The following P4HA3 variants were observed in gnomAD, a reference collection of about 807,000 sequenced individuals.
P4HA3 encodes prolyl 4-hydroxylase subunit alpha 3, also known as prolyl 4-hydroxylase subunit alpha-3.
A neutral mutation model predicts 66.7 loss-of-function variants in P4HA3; 60 were observed. That is an observed-to-expected ratio of 0.90 (90% CI 0.73 to 1.12). P4HA3 has a LOEUF of 1.12. Among genes scored for constraint, P4HA3 ranks in the 50% most tolerant of loss-of-function variants. The pLI is 0.00. For synonymous variants in P4HA3, 263 were observed against 274.6 expected (o/e 0.96, Z 0.42); for missense variants, 683 against 685.8 (o/e 1.00, Z 0.05).
intron 4 of P4HA3, among the ~76,000 whole-genome samples, chr11:74,293,012 T>C (rs1861085583): frequency 6.6e-6 from 1 of 152,216 alleles, no homozygotes; most frequent in African/African-American, 2.4e-5. Context: ...GTTAACTTTC[T>C]GTCTCATTGA....
At chr11:74,290,321 T>C (rs1250585710) in intron 4 of P4HA3, among the ~76,000 whole-genome samples, 2 of 152,156 alleles carry the variant, frequency 1.3e-5, no homozygotes, top group Non-Finnish European at 2.9e-5. Context: ...TTTGTTTGAG[T>C]TCATTGTAGA....
intron 1 of P4HA3, among the ~76,000 whole-genome samples, chr11:74,305,895 A>C (rs183956506): frequency 1.0e-3 from 155 of 152,300 alleles, no homozygotes; most frequent in African/African-American, 3.5e-3. Flanking sequence ...AGTAAGAAAG[A>C]CACAAATAAT....
chr11:74,291,432 T>C (rs1861019818), intron 4 of P4HA3, among the ~76,000 whole-genome samples: 1 of 152,156 alleles, frequency 6.6e-6, no homozygotes, highest in East Asian at 1.9e-4. Context: ...TTGAATACCC[T>C]TTATTTCCTT....
chr11:74,291,224 A>C (rs1861010679), intron 4 of P4HA3, among the ~76,000 whole-genome samples: 1 of 152,090 alleles, frequency 6.6e-6, no homozygotes, highest in Non-Finnish European at 1.5e-5. Flanking sequence ...ATGGGAGTTC[A>C]CCCATGATTT....
intron 5 of P4HA3, among the ~76,000 whole-genome samples, chr11:74,288,664 T>C (rs1354252673): frequency 6.6e-6 from 1 of 152,056 alleles, no homozygotes; most frequent in African/African-American, 2.4e-5. Flanking sequence ...ATAATAAAGA[T>C]AGGGCCAGGC....
chr11:74,277,212 T>C, intron 8 of P4HA3, 68 bp from the exon 9 acceptor site: 1 of 1,516,618 alleles, frequency 6.6e-7, no homozygotes, highest in East Asian at 2.3e-5. Context: ...CGTCTCTGAA[T>C]GAATGAATAA....
intron 15 of P4HA3, chr11:74,251,513 T>G: frequency 6.8e-7 from 1 of 1,467,738 alleles, no homozygotes; most frequent in Non-Finnish European, 9.0e-7. Flanking sequence ...CTAGGTCCTT[T>G]TAATTTCAAG....
At chr11:74,262,969 G>A (rs1347578159), downstream of P4HA3, among the ~76,000 whole-genome samples, 1 of 152,224 alleles carries the variant, frequency 6.6e-6, no homozygotes, top group Non-Finnish European at 1.5e-5. Context: ...GACAAGCAGG[G>A]TGGCCGCTGC....
At chr11:74,308,968 C>T (rs1591143368) in intron 1 of P4HA3, among the ~76,000 whole-genome samples, 4 of 152,256 alleles carry the variant, frequency 2.6e-5, no homozygotes, top group East Asian at 3.9e-4. Flanking sequence ...TCAGAGCCAA[C>T]GATTCAAATA....
At chr11:74,291,548 T>G (rs1446350807) in intron 4 of P4HA3, among the ~76,000 whole-genome samples, 1 of 152,186 alleles carries the variant, frequency 6.6e-6, no homozygotes, top group East Asian at 1.9e-4. Context: ...ATGCTTCCAG[T>G]TTTTGCCCAT....
chr11:74,257,282 G>A (rs904513801), intron 15 of P4HA3, among the ~76,000 whole-genome samples: 13 of 152,152 alleles, frequency 8.5e-5, no homozygotes, highest in African/African-American at 2.2e-4. Context: ...CTGCCACCAC[G>A]CCCAGCTAAT....
In P4HA3 at chr11:74,267,322, G is replaced by A. The variant is rs778659221; in HGVS notation, c.1565-4C>T. ...TCATGTATCCACTTGTTGGCCACTG[G>A]GAGAGAACAGGGAAGAAGGAGACAG... On this transcript the variant is annotated splice_region_variant and splice_polypyrimidine_tract_variant and intron_variant, in intron 12 of 12. Transcript: ENST00000331597. The A allele has an allele frequency of 1.2e-6, 2 of 1,613,906 alleles. No homozygotes were observed. The highest frequency in any genetic ancestry group is 1.7e-6 in the Non-Finnish European group (2 of 1,179,948).
chr11:74,309,136 T>C (rs561115844), intron 1 of P4HA3, among the ~76,000 whole-genome samples: 2 of 152,316 alleles, frequency 1.3e-5, no homozygotes, highest in African/African-American at 2.4e-5. Context: ...GGATAAACAA[T>C]CAAAACAACT....
chr11:74,301,034 T>C (rs1041826178), intron 3 of P4HA3, among the ~76,000 whole-genome samples: 1 of 152,124 alleles, frequency 6.6e-6, no homozygotes, highest in Non-Finnish European at 1.5e-5. Context: ...GGGCACATAC[T>C]ATATGGTTCA....
chr11:74,255,751 CTG>C (rs1236912458), intron 15 of P4HA3, among the ~76,000 whole-genome samples: 3 of 152,226 alleles, frequency 2.0e-5, no homozygotes, highest in South Asian at 2.1e-4. Context: ...CGTTAGAGAA[CTG>C]TGTCCCCATG....
chr11:74,310,680 T>C lies in P4HA3; in HGVS notation c.200+732A>G, dbSNP rs1256611509. ...CTGGCTCTTAGTAGGCACTCAAAAATATGTGTTGTATGAATTAATGAACTG... is the reference window on the plus strand; with the variant it reads ...CTGGCTCTTAGTAGGCACTCAAAAACATGTGTTGTATGAATTAATGAACTG... On this transcript the variant is annotated intron_variant, in intron 1 of 12. Coordinates refer to ENST00000331597, the MANE Select transcript of P4HA3 (RefSeq NM_182904.5). Among the ~76,000 whole-genome samples the C allele has an allele frequency of 3.9e-5, 6 of 152,210 alleles. No homozygotes were observed. The East Asian group carries it at 1.2e-3, about 29-fold the overall frequency.
chr11:74,288,792 T>C (rs995695303), intron 5 of P4HA3, among the ~76,000 whole-genome samples: 2 of 151,340 alleles, frequency 1.3e-5, no homozygotes, highest in African/African-American at 2.4e-5. Flanking sequence ...CTACTAAAAA[T>C]ACAAAAATTA....
At chr11:74,293,356 A>C (rs967611920) in intron 4 of P4HA3, among the ~76,000 whole-genome samples, 2 of 152,002 alleles carry the variant, frequency 1.3e-5, no homozygotes, top group Non-Finnish European at 2.9e-5. Context: ...ACATGAGATG[A>C]GTTTCCTGAA....
At chr11:74,284,432 G>T (rs532892287) in intron 7 of P4HA3, among the ~76,000 whole-genome samples, 134 of 152,324 alleles carry the variant, frequency 8.8e-4, no homozygotes, top group African/African-American at 3.1e-3. Context: ...CCATGAGACT[G>T]GCAATGTCCC....
Sources: allele counts gnomAD v4.1 joint callset (sites outside exome capture counted in the v4.1 genomes callset), GRCh38; gene constraint gnomAD v4.1.1; transcripts MANE v1.5; gene names NCBI Gene and HGNC (gene_info 2026-07-23, HGNC 2026-07-21).